Variants in HS2ST1 observed in about 807,000 individuals in gnomAD.
The protein encoded by HS2ST1 is 2-O-sulfotransferase.
HS2ST1 carries 18 observed loss-of-function variants against 42.9 expected under a neutral mutation model. The observed-to-expected ratio is 0.42, with a 90% CI of 0.29 to 0.62. The LOEUF is 0.62. Among genes scored for constraint, HS2ST1 ranks in the 20% least tolerant of loss-of-function variants. The pLI, the probability that HS2ST1 is intolerant of heterozygous loss-of-function variation, is 0.21. For missense variants in HS2ST1, 334 were observed against 433.8 expected, an observed-to-expected ratio of 0.77 and a Z score of 2.04; for synonymous variants, 146 against 152.9, an observed-to-expected ratio of 0.95 and a Z score of 0.33.
chr1:87,092,159 C>A (rs955295992), intron 3 of HS2ST1, among the ~76,000 whole-genome samples: 1 of 151,968 alleles, frequency 6.6e-6, no homozygotes, highest in Admixed American at 6.6e-5. Flanking sequence ...ATATTAAATT[C>A]TTTCCTAGTA....
At chr1:87,025,251 G>C (rs749504663) in intron 1 of HS2ST1, among the ~76,000 whole-genome samples, 8 of 152,218 alleles carry the variant, frequency 5.3e-5, no homozygotes, top group Non-Finnish European at 1.0e-4. Flanking sequence ...CCTGGCGGCT[G>C]TTGCTACCTG....
At position 87,077,832 on chromosome 1, in the gene HS2ST1, A is replaced by C. The variant is rs1651583223; in HGVS notation, c.363+4660A>C. 3.3e-5 allele frequency among the ~76,000 whole-genome samples: 5 copies of C among 152,194 alleles called. No homozygotes were observed. In the South Asian group the frequency reaches 1.0e-3, roughly 32 times the overall value. ...CTGGCAGAGTGAGCACCTCTGATTG[A>C]CAGCAGTATGATCTATTCTTATCTC... On this transcript the variant is annotated intron_variant, in intron 2 of 6. Coordinates refer to ENST00000370550, the MANE Select transcript of HS2ST1 (RefSeq NM_012262.4).
rs11327026 is a variant in HS2ST1 at position 86,948,125 on chromosome 1, C to CA, written c.124+32975dup. On this transcript the variant is annotated intron_variant, in intron 1 of 6. Transcript: ENST00000370550. ...TGAAGACTTCTCAAAGCTCCAGAAA[C>CA]AAAAAAAAAACAAAAAAGACTTCTC... is the stretch of plus-strand genomic sequence containing the variant. Among the ~76,000 whole-genome samples the CA allele has an allele frequency of 1.3e-3, 186 of 146,940 alleles. 1 individual carries two copies. The highest frequency in any genetic ancestry group is 0.012 in the East Asian group (61 of 4,964).
At chr1:87,011,800 G>A (rs1293906998) in intron 1 of HS2ST1, among the ~76,000 whole-genome samples, 4 of 152,208 alleles carry the variant, frequency 2.6e-5, no homozygotes, top group Non-Finnish European at 5.9e-5. Context: ...CTTTGTCAAA[G>A]TGACAGATTT....
At chr1:87,039,085 T>TA (rs1650457174) in intron 1 of HS2ST1, among the ~76,000 whole-genome samples, 1 of 152,190 alleles carries the variant, frequency 6.6e-6, no homozygotes, top group African/African-American at 2.4e-5. Context: ...GTAATAATGA[T>TA]ACGTGGGTTA....
chr1:86,914,888 G>A lies in HS2ST1; in HGVS notation c.-149G>A, dbSNP rs12727905. 1.0e-5 allele frequency: 9 copies of A among 904,174 alleles called. No individual in the cohort carries two copies. The highest frequency in any genetic ancestry group is 2.5e-5 in the Admixed American group (1 of 40,318). 56.0% of individuals were successfully genotyped at this position (904,174 alleles called of 1,614,324 possible). ...CCTGGGGGAGGGGGACTGGAGAGGC[G>A]AGAAGGGGGGTCGCTGCGGTGGTTC... On this transcript the variant is annotated 5_prime_UTR_variant, in exon 1 of 7. Transcript: ENST00000370550.
At chr1:87,029,695 G>A (rs189247982) in intron 1 of HS2ST1, among the ~76,000 whole-genome samples, 10 of 152,214 alleles carry the variant, frequency 6.6e-5, no homozygotes, top group Admixed American at 5.9e-4. Flanking sequence ...AAATCTACAG[G>A]AATAAATACT....
At chr1:87,018,763 A>G (rs565625791) in intron 1 of HS2ST1, among the ~76,000 whole-genome samples, 1 of 152,186 alleles carries the variant, frequency 6.6e-6, no homozygotes, top group East Asian at 1.9e-4. Flanking sequence ...TTTTAGTTCT[A>G]AGGGTGGTGG....
At chr1:87,003,093 C>T (rs917481433) in intron 1 of HS2ST1, among the ~76,000 whole-genome samples, 1 of 152,190 alleles carries the variant, frequency 6.6e-6, no homozygotes, top group East Asian at 1.9e-4. Context: ...TAGAAGATGG[C>T]GTCTGTAATA....
intron 1 of HS2ST1, chr1:87,045,060 G>T: frequency 8.7e-7 from 1 of 1,148,772 alleles, no homozygotes; most frequent in Non-Finnish European, 1.3e-6. Context: ...AGCATTCTTT[G>T]AAGAATCTTC....
At chr1:86,986,388 A>G (rs900908419) in intron 1 of HS2ST1, among the ~76,000 whole-genome samples, 2 of 152,134 alleles carry the variant, frequency 1.3e-5, no homozygotes, top group Admixed American at 6.6e-5. Flanking sequence ...GAAACGTGCT[A>G]TTAACCAGCC....
chr1:86,932,271 G>C (rs1050840908), intron 1 of HS2ST1: 3 of 152,094 alleles, frequency 2.0e-5, no homozygotes, highest in African/African-American at 7.2e-5. Flanking sequence ...TGAGAGTAGA[G>C]AGTAAAAAGA....
intron 1 of HS2ST1, among the ~76,000 whole-genome samples, chr1:87,006,380 T>C (rs1438963289): frequency 1.3e-5 from 2 of 152,134 alleles, no homozygotes; most frequent in African/African-American, 4.8e-5. Context: ...ACATGCAAGA[T>C]ATCCTTAAAT....
At chr1:86,937,764 CTTT>C (rs912392590) in intron 1 of HS2ST1, among the ~76,000 whole-genome samples, 1 of 150,834 alleles carries the variant, frequency 6.6e-6, no homozygotes, top group Non-Finnish European at 1.5e-5. Context: ...GCTAATCAGT[CTTT>C]TTTTTTCTTT....
At chr1:86,970,891 G>A (rs758768516) in intron 1 of HS2ST1, among the ~76,000 whole-genome samples, 1 of 151,958 alleles carries the variant, frequency 6.6e-6, no homozygotes, top group African/African-American at 2.4e-5. Context: ...TAATTTACAG[G>A]TCAAATATTT....
At chr1:87,036,839 A>G (rs550814200) in intron 1 of HS2ST1, among the ~76,000 whole-genome samples, 1 of 152,292 alleles carries the variant, frequency 6.6e-6, no homozygotes, top group Non-Finnish European at 1.5e-5. Flanking sequence ...GTTATGTTCA[A>G]TACATGTATT....
chr1:86,968,053 T>G (rs1375052924), intron 1 of HS2ST1, among the ~76,000 whole-genome samples: 2 of 152,234 alleles, frequency 1.3e-5, no homozygotes, highest in African/African-American at 4.8e-5. Flanking sequence ...TTAGTGATGT[T>G]GAGCAGCGTT....
At chr1:86,966,037 G>C (rs1320635355) in intron 1 of HS2ST1, among the ~76,000 whole-genome samples, 1 of 152,222 alleles carries the variant, frequency 6.6e-6, no homozygotes, top group African/African-American at 2.4e-5. Context: ...GCCATTGACA[G>C]ATACTAGCGG....
At chr1:86,916,428 A>G (rs1265679689) in intron 1 of HS2ST1, among the ~76,000 whole-genome samples, 1 of 152,202 alleles carries the variant, frequency 6.6e-6, no homozygotes, top group Admixed American at 6.5e-5. Context: ...AATAATTGTA[A>G]TATTATGTAT....
Sources: gnomAD v4.1 joint callset for allele counts (sites outside exome capture counted in the v4.1 genomes callset) on GRCh38, gnomAD v4.1.1 for gene constraint, MANE v1.5 for transcripts, NCBI Gene and HGNC (gene_info 2026-07-23, HGNC 2026-07-21) for gene names.